The following RAB33A variants were observed in gnomAD, a reference collection of about 807,000 sequenced individuals.
RAB33A encodes RAB33A, member RAS oncogene family.
Under a neutral mutation model 12.0 loss-of-function variants are expected in RAB33A, and 6 were observed. The ratio of observed to expected loss-of-function variants is 0.50; its 90% CI spans 0.27 to 0.99. The LOEUF is 0.99. RAB33A is among the 50% of genes least tolerant of loss of function. The probability of loss-of-function intolerance (pLI) is 0.11; values close to 1 mark genes in which losing one functional copy is unlikely to be tolerated. For synonymous variants in RAB33A, 70 were observed against 82.4 expected (o/e 0.85, Z 0.81); for missense variants, 109 against 192.0 (o/e 0.57, Z 2.55).
At chrX:130,170,755 CCTAGGGATTCCCAACTCCCT>C (rs1293998279), upstream of RAB33A, among the ~76,000 whole-genome samples, 3 of 112,379 alleles carry the variant, frequency 2.7e-5, no homozygotes, top group East Asian at 8.4e-4. Flanking sequence ...GGTGAACCCT[CCTAGGGATTCCCAACTCCCT>C]CTGAAACTCC....
At chrX:130,115,275 T>G in the RAB33A span, among the ~76,000 whole-genome samples, 2 of 59 alleles carry the variant, frequency 0.034, no homozygotes, top group African/African-American at 0.091. Context: ...CGCCACAGTT[T>G]CTGTGCCAGA....
the RAB33A span, among the ~76,000 whole-genome samples, chrX:130,149,164 C>T: frequency 2.7e-5 from 3 of 111,062 alleles, no homozygotes; most frequent in South Asian, 7.6e-4. Context: ...TCAGCTGACC[C>T]GCACATCTCG....
chrX:130,170,878 C>T (rs1241846248), upstream of RAB33A, among the ~76,000 whole-genome samples: 4 of 112,762 alleles, frequency 3.5e-5, no homozygotes, highest in Non-Finnish European at 1.9e-5. Context: ...TCCACCTGGG[C>T]CAGTAATGGC....
At chrX:130,136,973 C>T in the RAB33A span, 1 of 1,196,189 alleles carries the variant, frequency 8.4e-7, no homozygotes, top group Non-Finnish European at 1.1e-6. Flanking sequence ...ATTTTACAGG[C>T]CAGGTGATAG....
the RAB33A span, among the ~76,000 whole-genome samples, chrX:130,129,189 A>T: frequency 9.0e-6 from 1 of 111,187 alleles, no homozygotes; most frequent in African/African-American, 3.3e-5. Flanking sequence ...GTGTGCAAAG[A>T]GGTCTGGAGG....
intron 1 of RAB33A, among the ~76,000 whole-genome samples, chrX:130,172,949 C>A (rs746574969): frequency 8.9e-6 from 1 of 112,116 alleles, no homozygotes; most frequent in South Asian, 3.7e-4. Context: ...TCGTAATAGA[C>A]AAAACTTGTT....
At chrX:130,123,124 G>A in the RAB33A span, among the ~76,000 whole-genome samples, 74 of 111,259 alleles carry the variant, frequency 6.7e-4, 1 homozygote, top group South Asian at 0.022. Context: ...ACTGAGAGAT[G>A]GAGAGATGAA....
At chrX:130,139,328 T>C in the RAB33A span, among the ~76,000 whole-genome samples, 1 of 106,126 alleles carries the variant, frequency 9.4e-6, no homozygotes, top group Admixed American at 1.0e-4. Flanking sequence ...CGAGATTCAG[T>C]CTCGAAAAAA....
At chrX:130,142,758 G>A in the RAB33A span, among the ~76,000 whole-genome samples, 35 of 111,242 alleles carry the variant, frequency 3.1e-4, no homozygotes, top group African/African-American at 1.1e-3. Context: ...CGATTCTCGT[G>A]CTTCAGCCTC....
the RAB33A span, among the ~76,000 whole-genome samples, chrX:130,164,114 G>C: frequency 1.9e-5 from 2 of 105,778 alleles, no homozygotes; most frequent in African/African-American, 6.9e-5. Context: ...ATTGCAGTGA[G>C]CCGAGATCGC....
chrX:130,132,962 G>C, the RAB33A span, among the ~76,000 whole-genome samples: 1 of 110,853 alleles, frequency 9.0e-6, no homozygotes, highest in Non-Finnish European at 1.9e-5. Context: ...GGTCAGGCTG[G>C]TCTCAAACTC....
chrX:130,119,686 C>T, the RAB33A span, among the ~76,000 whole-genome samples: 22 of 111,932 alleles, frequency 2.0e-4, no homozygotes, highest in South Asian at 3.7e-4. Context: ...GGGAGACAGG[C>T]GGTATTTCTC....
the RAB33A span, among the ~76,000 whole-genome samples, chrX:130,127,919 A>G: frequency 2.7e-5 from 3 of 110,726 alleles, no homozygotes; most frequent in Non-Finnish European, 5.7e-5. Flanking sequence ...CGAACTCCTG[A>G]CCTCAGGTGA....
At chrX:130,164,586 G>A in the RAB33A span, among the ~76,000 whole-genome samples, 400 of 111,540 alleles carry the variant, frequency 3.6e-3, 3 homozygotes, top group Middle Eastern at 0.014. Context: ...ATCATTCATT[G>A]CCCCCATGAA....
chrX:130,138,265 A>T, the RAB33A span, among the ~76,000 whole-genome samples: 6 of 110,837 alleles, frequency 5.4e-5, no homozygotes, highest in Admixed American at 1.9e-4. Context: ...GGAGATCGAG[A>T]CAGTCCTGGC....
At chrX:130,144,892 A>G in the RAB33A span, among the ~76,000 whole-genome samples, 5 of 112,169 alleles carry the variant, frequency 4.5e-5, no homozygotes, top group South Asian at 1.8e-3. Flanking sequence ...GTTCCTAACG[A>G]AGGACAATCC....
the RAB33A span, among the ~76,000 whole-genome samples, chrX:130,154,274 T>C: frequency 8.9e-6 from 1 of 112,221 alleles, no homozygotes; most frequent in South Asian, 3.7e-4. Context: ...CCCTGTCTTG[T>C]AGCTTGGCAT....
At chrX:130,182,828 G>A (rs911686417) in intron 1 of RAB33A, among the ~76,000 whole-genome samples, 7 of 112,000 alleles carry the variant, frequency 6.3e-5, no homozygotes, top group African/African-American at 9.7e-5. Flanking sequence ...TTTTGTGAGC[G>A]TTTCTCTTAC....
the RAB33A span, among the ~76,000 whole-genome samples, chrX:130,158,977 G>A: frequency 9.0e-6 from 1 of 111,207 alleles, no homozygotes; most frequent in Non-Finnish European, 1.9e-5. Flanking sequence ...TGGATCTGTG[G>A]TCTCTCATCT....
Sources: gnomAD v4.1 joint callset for allele counts (sites outside exome capture counted in the v4.1 genomes callset) on GRCh38, gnomAD v4.1.1 for gene constraint, MANE v1.5 for transcripts, NCBI Gene and HGNC (gene_info 2026-07-23, HGNC 2026-07-21) for gene names.